ENTREP2: variants seen among roughly 807,000 people sequenced by gnomAD.
The protein encoded by ENTREP2 is protein ENTREP2.
At chr15:29,619,686 C>T in the ENTREP2 span, among the ~76,000 whole-genome samples, 1 of 152,042 alleles carries the variant, frequency 6.6e-6, no homozygotes, top group African/African-American at 2.4e-5. Context: ...AAGAAGAGGT[C>T]GGTGCTCTTG....
chr15:29,629,211 T>C, the ENTREP2 span, among the ~76,000 whole-genome samples: 1 of 152,218 alleles, frequency 6.6e-6, no homozygotes, highest in Non-Finnish European at 1.5e-5. Flanking sequence ...GTGCATCACA[T>C]AGATGGGTCA....
At chr15:29,576,867 G>T in the ENTREP2 span, among the ~76,000 whole-genome samples, 1 of 152,188 alleles carries the variant, frequency 6.6e-6, no homozygotes, top group Non-Finnish European at 1.5e-5. Flanking sequence ...GAGTGCAGTG[G>T]CGTGATCTCG....
chr15:29,450,756 C>CAT, the ENTREP2 span, among the ~76,000 whole-genome samples: 3 of 152,160 alleles, frequency 2.0e-5, no homozygotes, highest in Non-Finnish European at 4.4e-5. Context: ...AAATGTGGTA[C>CAT]ATATACATCA....
chr15:29,618,145 C>T, the ENTREP2 span, among the ~76,000 whole-genome samples: 22 of 152,182 alleles, frequency 1.4e-4, no homozygotes, highest in East Asian at 2.5e-3. Flanking sequence ...TCACAGAGGC[C>T]GGGCGTGGTA....
At chr15:29,219,195 A>C in the ENTREP2 span, among the ~76,000 whole-genome samples, 3 of 152,238 alleles carry the variant, frequency 2.0e-5, 1 homozygote, top group South Asian at 6.2e-4. Flanking sequence ...CAAATGGCCA[A>C]GAAACATATG....
At chr15:29,222,502 G>C in the ENTREP2 span, among the ~76,000 whole-genome samples, 1 of 152,012 alleles carries the variant, frequency 6.6e-6, no homozygotes, top group Non-Finnish European at 1.5e-5. Context: ...GCCCTCTCTT[G>C]GGGTCTGGAT....
At chr15:29,234,002 T>C in the ENTREP2 span, 2 of 1,492,060 alleles carry the variant, frequency 1.3e-6, no homozygotes, top group African/African-American at 1.4e-5. Flanking sequence ...AGTTGAAATA[T>C]CTGATTGACT....
At chr15:29,170,130 AC>A in the ENTREP2 span, among the ~76,000 whole-genome samples, 2 of 151,494 alleles carry the variant, frequency 1.3e-5, no homozygotes, top group Non-Finnish European at 2.9e-5. Flanking sequence ...ACATGGTGAA[AC>A]CCCCATCTCT....
the ENTREP2 span, among the ~76,000 whole-genome samples, chr15:29,219,427 G>T: frequency 1.3e-5 from 2 of 151,070 alleles, no homozygotes; most frequent in East Asian, 3.9e-4. Context: ...CCTTAAAGAA[G>T]TAAAATAGAA....
chr15:29,630,242 A>G, the ENTREP2 span, among the ~76,000 whole-genome samples: 1 of 152,184 alleles, frequency 6.6e-6, no homozygotes, highest in African/African-American at 2.4e-5. Flanking sequence ...TAGTTTTAGG[A>G]CATAGGGTTT....
At chr15:29,220,436 C>T in the ENTREP2 span, among the ~76,000 whole-genome samples, 1 of 152,162 alleles carries the variant, frequency 6.6e-6, no homozygotes, top group Non-Finnish European at 1.5e-5. Context: ...GCCTTTATGA[C>T]CGATCAGTAT....
At chr15:29,580,287 C>T in the ENTREP2 span, among the ~76,000 whole-genome samples, 2 of 152,118 alleles carry the variant, frequency 1.3e-5, no homozygotes, top group Non-Finnish European at 2.9e-5. Flanking sequence ...GGTTAGGGCA[C>T]CCATGTTAGT....
chr15:29,507,102 C>A, the ENTREP2 span, among the ~76,000 whole-genome samples: 1 of 152,068 alleles, frequency 6.6e-6, no homozygotes, highest in African/African-American at 2.4e-5. Context: ...GCAGGGGTTG[C>A]AATCCTAGTC....
the ENTREP2 span, among the ~76,000 whole-genome samples, chr15:29,143,974 C>T: frequency 6.6e-6 from 1 of 152,198 alleles, no homozygotes; most frequent in Non-Finnish European, 1.5e-5. Context: ...AAAGAGCTTA[C>T]ACTCTAACAC....
the ENTREP2 span, among the ~76,000 whole-genome samples, chr15:29,135,605 G>C: frequency 6.6e-6 from 1 of 152,130 alleles, no homozygotes; most frequent in Non-Finnish European, 1.5e-5. This position sits in a 1 kb window ranked among gnomAD's most constrained non-coding sequence, Gnocchi z 7.4. Flanking sequence ...AGTCCTGTTG[G>C]CTCCATTACG....
the ENTREP2 span, among the ~76,000 whole-genome samples, chr15:29,500,516 G>C: frequency 6.6e-6 from 1 of 151,854 alleles, no homozygotes; most frequent in African/African-American, 2.4e-5. Context: ...ATTTACAAGA[G>C]AACTTAGAAA....
the ENTREP2 span, among the ~76,000 whole-genome samples, chr15:29,306,492 A>G: frequency 6.6e-6 from 1 of 152,242 alleles, no homozygotes; most frequent in South Asian, 2.1e-4. Context: ...CAAGTTTAGG[A>G]TACCACATGA....
chr15:29,520,166 G>T, the ENTREP2 span, among the ~76,000 whole-genome samples: 1 of 152,054 alleles, frequency 6.6e-6, no homozygotes, highest in South Asian at 2.1e-4. Context: ...CTCTTTGAAG[G>T]GCCAAATGTG....
chr15:29,511,345 T>C, the ENTREP2 span, among the ~76,000 whole-genome samples: 2 of 142,256 alleles, frequency 1.4e-5, no homozygotes, highest in Non-Finnish European at 3.1e-5. Context: ...TTTTCTTTTC[T>C]TTTTTTTTTT....
Sources: allele counts gnomAD v4.1 joint callset (sites outside exome capture counted in the v4.1 genomes callset), GRCh38; gene constraint gnomAD v4.1.1; non-coding constraint Gnocchi (gnomAD v3.1); transcripts MANE v1.5; gene names NCBI Gene and HGNC (gene_info 2026-07-23, HGNC 2026-07-21).